Variants in GRID2 observed in about 807,000 individuals in gnomAD.
GRID2 encodes the protein glutamate receptor ionotropic, delta-2.
GRID2 carries 33 observed loss-of-function variants against 114.8 expected under a neutral mutation model. The observed-to-expected ratio is 0.29, with a 90% CI of 0.22 to 0.38. GRID2 has a LOEUF of 0.38. GRID2 is among the 10% of genes least tolerant of loss of function. GRID2 has a pLI of 1.00. For synonymous variants in GRID2, 505 were observed against 449.9 expected, an observed-to-expected ratio of 1.12 and a Z score of -1.55; for missense variants, 1,184 against 1,257.7, an observed-to-expected ratio of 0.94 and a Z score of 0.89.
rs568735686 is a variant in GRID2, at chr4:92,443,187, C to T, written c.88+138443C>T. Among the ~76,000 whole-genome samples, 7 of 152,228 alleles carry T rather than the reference C, an allele frequency of 4.6e-5. No homozygotes were observed. In the East Asian group the frequency reaches 1.4e-3, roughly 29 times the overall value. ...AAGGGACTGATGTGTAAAAGAATGC[C>T]TGGACGTCAGGCACCTCAGACCGTT... On this transcript the variant is annotated intron_variant, in intron 1 of 15. Coordinates refer to ENST00000282020, the MANE Select transcript of GRID2 (RefSeq NM_001510.4).
intron 8 of GRID2, among the ~76,000 whole-genome samples, chr4:93,365,131 T>C (rs1172210797): frequency 3.3e-5 from 5 of 152,174 alleles, no homozygotes; most frequent in Non-Finnish European, 7.4e-5. Context: ...TATTGCAACA[T>C]TTTTATTGAA....
At chr4:92,541,046 A>G (rs1422414270) in intron 1 of GRID2, among the ~76,000 whole-genome samples, 1 of 152,284 alleles carries the variant, frequency 6.6e-6, no homozygotes, top group Non-Finnish European at 1.5e-5. Context: ...TGCAAGGACA[A>G]AAAACCAAAC....
chr4:92,424,997 GTTA>G (rs1187729480), intron 1 of GRID2, among the ~76,000 whole-genome samples: 3 of 151,826 alleles, frequency 2.0e-5, no homozygotes, highest in Non-Finnish European at 4.4e-5. Flanking sequence ...GTCTTGTATT[GTTA>G]TTAAACATTT....
In GRID2 at chr4:92,957,941, G is replaced by C. The variant is rs866095650; in HGVS notation, c.245-127054G>C. On this transcript the variant is annotated intron_variant, in intron 2 of 15. Coordinates refer to ENST00000282020, the MANE Select transcript of GRID2 (RefSeq NM_001510.4). Reference sequence around the variant, plus strand: ...TAAATAGTGTGTGTTCTTGGTTTCAGATTCCTCTTGTTCATTCATGGCATA... The same window carrying C: ...TAAATAGTGTGTGTTCTTGGTTTCACATTCCTCTTGTTCATTCATGGCATA... 2.4e-4 allele frequency among the ~76,000 whole-genome samples: 36 copies of C among 152,028 alleles called. No homozygotes were observed. In the Middle Eastern group the frequency reaches 0.017, roughly 72 times the overall value.
chr4:93,562,307 G>T (rs890593621), intron 13 of GRID2, among the ~76,000 whole-genome samples: 6 of 151,798 alleles, frequency 4.0e-5, no homozygotes, highest in Admixed American at 1.3e-4. Context: ...ATAATAATAA[G>T]ATGTCATATG....
chr4:93,239,653 A>G (rs924704164), intron 8 of GRID2, among the ~76,000 whole-genome samples: 4 of 151,586 alleles, frequency 2.6e-5, no homozygotes, highest in Non-Finnish European at 5.9e-5. Context: ...ACTGCATAAA[A>G]CACAAAGTTT....
intron 13 of GRID2, among the ~76,000 whole-genome samples, chr4:93,527,561 A>T (rs1294059229): frequency 1.3e-5 from 2 of 150,206 alleles, no homozygotes; most frequent in Non-Finnish European, 3.0e-5. Flanking sequence ...CCATAACTAA[A>T]GATAAAGCTT....
chr4:92,657,869 C>G (rs1444975493), intron 2 of GRID2, among the ~76,000 whole-genome samples: 1 of 151,610 alleles, frequency 6.6e-6, no homozygotes, highest in African/African-American at 2.4e-5. Flanking sequence ...ATCTCAATAT[C>G]TGTGCATGCT....
intron 2 of GRID2, among the ~76,000 whole-genome samples, chr4:92,990,367 G>A (rs1231623878): frequency 6.6e-6 from 1 of 150,822 alleles, no homozygotes; most frequent in African/African-American, 2.4e-5. Flanking sequence ...CTGTCACCCA[G>A]GTTGGCTCAC....
chr4:92,658,592 A>G (rs929992158), intron 2 of GRID2, among the ~76,000 whole-genome samples: 40 of 151,664 alleles, frequency 2.6e-4, no homozygotes, highest in African/African-American at 9.2e-4. Context: ...GAAGACAGAC[A>G]TTTTCTTTTT....
intron 13 of GRID2, among the ~76,000 whole-genome samples, chr4:93,584,485 G>GT (rs1371452806): frequency 2.6e-5 from 4 of 151,878 alleles, no homozygotes; most frequent in South Asian, 4.2e-4. Context: ...TGAAAATGTT[G>GT]TTTTTTGACA....
intron 14 of GRID2, among the ~76,000 whole-genome samples, chr4:93,721,400 G>A (rs1729365417): frequency 6.6e-6 from 1 of 152,170 alleles, no homozygotes; most frequent in Non-Finnish European, 1.5e-5. Context: ...AACTATGTGT[G>A]CAGGAAGAAT....
At chr4:93,186,583 A>G (rs535260617) in intron 4 of GRID2, among the ~76,000 whole-genome samples, 8 of 152,308 alleles carry the variant, frequency 5.3e-5, no homozygotes, top group Admixed American at 3.3e-4. Context: ...ACTCTAGCGA[A>G]GCAACCTTCA....
intron 2 of GRID2, among the ~76,000 whole-genome samples, chr4:93,005,660 A>G (rs1350945571): frequency 1.3e-5 from 2 of 152,130 alleles, no homozygotes; most frequent in African/African-American, 4.8e-5. Flanking sequence ...CAAGTCTTTC[A>G]ACTGATTAAT....
chr4:93,677,491 G>A (rs1448654271), intron 14 of GRID2, among the ~76,000 whole-genome samples: 3 of 152,184 alleles, frequency 2.0e-5, no homozygotes, highest in Admixed American at 2.0e-4. Flanking sequence ...GTGGGTCCCT[G>A]ACCCCTGACC....
At chr4:92,511,443 C>T (rs1422975768) in intron 1 of GRID2, among the ~76,000 whole-genome samples, 1 of 151,902 alleles carries the variant, frequency 6.6e-6, no homozygotes, top group South Asian at 2.1e-4. Flanking sequence ...AGACAAACAT[C>T]CAAATCATAT....
intron 2 of GRID2, among the ~76,000 whole-genome samples, chr4:93,010,505 C>T (rs1343600090): frequency 6.6e-6 from 1 of 152,064 alleles, no homozygotes; most frequent in Non-Finnish European, 1.5e-5. Context: ...TCCATGTTCT[C>T]TCCAGGCATC....
intron 14 of GRID2, among the ~76,000 whole-genome samples, chr4:93,671,661 A>G (rs1472813689): frequency 6.6e-6 from 1 of 152,124 alleles, no homozygotes; most frequent in African/African-American, 2.4e-5. Flanking sequence ...AACACTATAT[A>G]TATTATCACT....
At chr4:93,713,147 A>G (rs1728628571) in intron 14 of GRID2, among the ~76,000 whole-genome samples, 1 of 152,128 alleles carries the variant, frequency 6.6e-6, no homozygotes. Context: ...TAGACAATGA[A>G]TTTCTAATGA....
Sources: gnomAD v4.1 joint callset for allele counts (sites outside exome capture counted in the v4.1 genomes callset) on GRCh38, gnomAD v4.1.1 for gene constraint, MANE v1.5 for transcripts, NCBI Gene and HGNC (gene_info 2026-07-23, HGNC 2026-07-21) for gene names.